Variants in OPCML observed in about 807,000 individuals in gnomAD.
OPCML encodes opioid-binding protein/cell adhesion molecule.
Under a neutral mutation model 37.8 loss-of-function variants are expected in OPCML, and 13 were observed. That is an observed-to-expected ratio of 0.34 (90% CI 0.22 to 0.55). The LOEUF (loss-of-function observed/expected upper bound fraction) is 0.55. Among genes scored for constraint, OPCML ranks in the 20% least tolerant of loss-of-function variants. OPCML has a pLI of 0.91. For synonymous variants in OPCML, 176 were observed against 168.8 expected (o/e 1.04, Z -0.33); for missense variants, 341 against 435.6 (o/e 0.78, Z 1.93).
intron 3 of OPCML, among the ~76,000 whole-genome samples, chr11:132,550,219 G>A (rs1372481430): frequency 2.6e-5 from 4 of 152,258 alleles, no homozygotes; most frequent in African/African-American, 4.8e-5. Context: ...CATTAAGGGG[G>A]TGATAATAGT....
chr11:132,472,240 C>G (rs990145208), intron 4 of OPCML, among the ~76,000 whole-genome samples: 2 of 152,192 alleles, frequency 1.3e-5, no homozygotes, highest in African/African-American at 4.8e-5. Flanking sequence ...TTATTAGACT[C>G]TAAGACCTTT....
chr11:132,522,373 A>G (rs1285446567), intron 4 of OPCML, among the ~76,000 whole-genome samples: 6 of 152,224 alleles, frequency 3.9e-5, no homozygotes, highest in Non-Finnish European at 8.8e-5. Context: ...AGTAAAAATT[A>G]TCACTTTTCT....
At chr11:132,942,798 C>A (rs1945625489) in intron 2 of OPCML, 128 bp downstream of exon 2, 5 of 1,202,664 alleles carry the variant, frequency 4.2e-6, no homozygotes, top group East Asian at 2.4e-5. Flanking sequence ...CGCAAGCGGG[C>A]GCCCCTCGGG....
At chr11:133,005,885 G>A in intron 1 of OPCML, 9 of 985,432 alleles carry the variant, frequency 9.1e-6, no homozygotes, top group Non-Finnish European at 8.4e-6. Flanking sequence ...CAGAATCCTG[G>A]AATTTCCAAT....
At chr11:132,987,891 T>C (rs1340467097) in intron 1 of OPCML, among the ~76,000 whole-genome samples, 4 of 152,326 alleles carry the variant, frequency 2.6e-5, no homozygotes, top group South Asian at 4.1e-4. Context: ...TCATTTCTTA[T>C]GTGTGGACAA....
At chr11:132,571,120 G>C (rs7929284) in intron 3 of OPCML, among the ~76,000 whole-genome samples, 1 of 151,876 alleles carries the variant, frequency 6.6e-6, no homozygotes, top group African/African-American at 2.4e-5. Context: ...GGCTTTCATC[G>C]TTCTCCCATG....
intron 4 of OPCML, among the ~76,000 whole-genome samples, chr11:132,480,338 G>A (rs1454288027): frequency 5.3e-5 from 8 of 152,132 alleles, no homozygotes; most frequent in African/African-American, 1.4e-4. Context: ...AAAAAGAAAC[G>A]AGTAAAGCCT....
At chr11:133,018,241 C>T (rs1201475401) in intron 1 of OPCML, among the ~76,000 whole-genome samples, 1 of 152,134 alleles carries the variant, frequency 6.6e-6, no homozygotes, top group Non-Finnish European at 1.5e-5. Flanking sequence ...AAGAAATTGG[C>T]CCCCTATTAA....
chr11:133,173,442 A>G lies in OPCML; in HGVS notation c.62-230432T>C, dbSNP rs140164256. ...TAAAAGAATAATAAATCGAGTGAAC[A>G]AATAAATAAATGAGCAACCACTAGC... On this transcript the variant is annotated intron_variant, in intron 1 of 7. Transcript: ENST00000524381. The surrounding 1 kb of genome is among the most constrained non-coding windows in gnomAD (Gnocchi z 7.8). Among the ~76,000 whole-genome samples, 226 of 152,318 alleles carry G rather than the reference A, an allele frequency of 1.5e-3. No individual in the cohort carries two copies. Among genetic ancestry groups the G allele is most frequent in the African/African-American group, 4.8e-3 (198 of 41,566 alleles).
At chr11:133,325,805 C>G (rs1212202618) in intron 1 of OPCML, among the ~76,000 whole-genome samples, 1 of 152,160 alleles carries the variant, frequency 6.6e-6, no homozygotes, top group Non-Finnish European at 1.5e-5. Flanking sequence ...CCTTAATCGA[C>G]CTCTACAGAG....
At chr11:132,497,357 C>T (rs1188795566) in intron 4 of OPCML, among the ~76,000 whole-genome samples, 2 of 147,768 alleles carry the variant, frequency 1.4e-5, no homozygotes, top group Non-Finnish European at 3.0e-5. Context: ...ACACATTTAC[C>T]TATATAACAA....
intron 4 of OPCML, among the ~76,000 whole-genome samples, chr11:132,518,147 GT>G (rs1332445599): frequency 6.6e-6 from 1 of 152,122 alleles, no homozygotes; most frequent in African/African-American, 2.4e-5. Context: ...TGCCATAGTT[GT>G]TTGCTGCGCC....
intron 2 of OPCML, among the ~76,000 whole-genome samples, chr11:132,894,261 C>T (rs1334342133): frequency 1.3e-5 from 2 of 152,166 alleles, no homozygotes; most frequent in Non-Finnish European, 2.9e-5. Flanking sequence ...ACTATTTCCT[C>T]CTTCTTGAAA....
At chr11:132,475,727 T>C (rs2096153010) in intron 4 of OPCML, among the ~76,000 whole-genome samples, 1 of 152,182 alleles carries the variant, frequency 6.6e-6, no homozygotes, top group Non-Finnish European at 1.5e-5. Context: ...AAGCTACCCA[T>C]TATGTAATAT....
chr11:132,853,248 C>T (rs557700149), intron 2 of OPCML, among the ~76,000 whole-genome samples: 1 of 152,236 alleles, frequency 6.6e-6, no homozygotes, highest in Non-Finnish European at 1.5e-5. Flanking sequence ...ATCACCATGA[C>T]TTGACGGCTT....
rs116998525 is a variant in OPCML at position 132,760,656 on chromosome 11, G to A, written c.147-103337C>T. ...TTTTTTTTCTTTTCATTTTCTTGGC[G>A]ATATTCCTCCATCCCTATATTTTGA... On this transcript the variant is annotated intron_variant, in intron 2 of 7. Transcript: ENST00000524381. Among the ~76,000 whole-genome samples, 405 of 148,318 alleles carry A rather than the reference G, an allele frequency of 2.7e-3. 1 individual carries two copies. Among genetic ancestry groups the A allele is most frequent in the Non-Finnish European group, 4.6e-3 (313 of 67,430 alleles).
At chr11:132,958,862 A>C (rs1035273147) in intron 1 of OPCML, among the ~76,000 whole-genome samples, 2 of 152,234 alleles carry the variant, frequency 1.3e-5, no homozygotes, top group South Asian at 4.1e-4. Flanking sequence ...CAATTCACCT[A>C]GTTACCCAAA....
At chr11:133,114,552 G>A (rs539557108) in intron 1 of OPCML, among the ~76,000 whole-genome samples, 5 of 152,236 alleles carry the variant, frequency 3.3e-5, no homozygotes, top group African/African-American at 1.2e-4. Flanking sequence ...ATTTAAAGGT[G>A]TAAGCCAGAT....
chr11:133,236,534 GAATA>G (rs1940525115), intron 1 of OPCML, among the ~76,000 whole-genome samples: 1 of 152,046 alleles, frequency 6.6e-6, no homozygotes, highest in South Asian at 2.1e-4. Context: ...GTCTAATTAG[GAATA>G]AATAGTAACT....
Sources: gnomAD v4.1 joint callset for allele counts (sites outside exome capture counted in the v4.1 genomes callset) on GRCh38, gnomAD v4.1.1 for gene constraint, Gnocchi (gnomAD v3.1) non-coding constraint, MANE v1.5 for transcripts, NCBI Gene and HGNC (gene_info 2026-07-23, HGNC 2026-07-21) for gene names.